GAS2: variants seen among roughly 807,000 people sequenced by gnomAD.
The protein encoded by GAS2 is growth arrest-specific protein 2.
Under a neutral mutation model 37.5 loss-of-function variants are expected in GAS2, and 20 were observed. That is an observed-to-expected ratio of 0.53 (90% confidence interval 0.37 to 0.77). GAS2 has a LOEUF of 0.77. Among genes scored for constraint, GAS2 ranks in the 30% least tolerant of loss-of-function variants. The probability of loss-of-function intolerance (pLI) is 0.00; values close to 1 mark genes in which losing one functional copy is unlikely to be tolerated. For missense variants in GAS2, 336 were observed against 373.4 expected (o/e 0.90, Z 0.82); for synonymous variants, 144 against 132.2 (o/e 1.09, Z -0.61).
chr11:22,697,613 A>T (rs1478155859), intron 3 of GAS2, among the ~76,000 whole-genome samples: 1 of 151,940 alleles, frequency 6.6e-6, no homozygotes, highest in Non-Finnish European at 1.5e-5. Flanking sequence ...ATCCTCTTTT[A>T]TTTCATTGAG....
intron 7 of GAS2, among the ~76,000 whole-genome samples, chr11:22,793,679 A>G (rs1243192228): frequency 1.3e-5 from 2 of 151,894 alleles, no homozygotes; most frequent in Non-Finnish European, 2.9e-5. Flanking sequence ...AAAGGGGAAG[A>G]TAAAACAAAG....
chr11:22,788,477 C>T (rs926731403), intron 7 of GAS2, among the ~76,000 whole-genome samples: 4 of 152,112 alleles, frequency 2.6e-5, no homozygotes, highest in Non-Finnish European at 4.4e-5. Flanking sequence ...CCAGTGTAAG[C>T]ACTTGTATCC....
At chr11:22,741,494 TAATC>T (rs1325936451) in intron 5 of GAS2, among the ~76,000 whole-genome samples, 2 of 152,154 alleles carry the variant, frequency 1.3e-5, no homozygotes, top group Admixed American at 6.5e-5. Flanking sequence ...TTTAGGGTCA[TAATC>T]AATAATCAGT....
At chr11:22,748,124 A>C (rs187710083) in intron 5 of GAS2, among the ~76,000 whole-genome samples, 2 of 151,632 alleles carry the variant, frequency 1.3e-5, no homozygotes, top group African/African-American at 4.8e-5. Flanking sequence ...ATAGTAGATT[A>C]AAAAAAACAT....
intron 3 of GAS2, among the ~76,000 whole-genome samples, chr11:22,686,140 T>C (rs78071737): frequency 0.018 from 2,773 of 152,276 alleles, 71 homozygotes; most frequent in African/African-American, 0.063. Context: ...ATTTACTGAA[T>C]AGATCTTTGT....
At chr11:22,737,822 C>T (rs1852836784) in intron 5 of GAS2, 54 bp downstream of exon 5, 1 of 1,499,772 alleles carries the variant, frequency 6.7e-7, no homozygotes, top group African/African-American at 1.4e-5. Context: ...AGCATCCAAG[C>T]AACACAGAAG....
chr11:22,803,821 A>G (rs1856769356), intron 7 of GAS2, among the ~76,000 whole-genome samples: 1 of 152,166 alleles, frequency 6.6e-6, no homozygotes, highest in Non-Finnish European at 1.5e-5. Context: ...AGGGACATAC[A>G]GGTAAATCAG....
rs1849355571 is a variant in GAS2 at position 22,674,911 on chromosome 11, C to A, written c.42C>A (p.Gly14=). ...GCCCAAAGGTACGCAGTGGACCTGG[C>A]CTCTCTGATATGCATCAGTATAGCC... ...ALSPKVRSGP[G]LSDMHQYSQW... The change falls in exon 2 of 8, where the codon GGC becomes GGA. Residue 14 remains glycine, a synonymous_variant. Coordinates refer to ENST00000454584, the MANE Select transcript of GAS2 (RefSeq NM_001143830.3). The A allele has an allele frequency of 1.2e-6, 2 of 1,613,410 alleles. No homozygotes were observed.
chr11:22,629,681 G>T (rs1304553165), intron 1 of GAS2, among the ~76,000 whole-genome samples: 1 of 151,618 alleles, frequency 6.6e-6, no homozygotes, highest in African/African-American at 2.4e-5. Flanking sequence ...GCTGGTTTCT[G>T]TGAGTTCCTT....
chr11:22,651,932 C>T (rs1848781710), intron 1 of GAS2, among the ~76,000 whole-genome samples: 1 of 152,218 alleles, frequency 6.6e-6, no homozygotes, highest in South Asian at 2.1e-4. Flanking sequence ...CAAAGTCATT[C>T]TCCATCCAGC....
intron 2 of GAS2, among the ~76,000 whole-genome samples, chr11:22,682,199 G>A (rs1183635879): frequency 1.3e-5 from 2 of 151,880 alleles, no homozygotes; most frequent in Admixed American, 1.3e-4. Context: ...CTTTTTACAA[G>A]TATTCATGAA....
intron 7 of GAS2, among the ~76,000 whole-genome samples, chr11:22,800,542 A>T (rs533935141): frequency 6.6e-6 from 1 of 152,040 alleles, no homozygotes; most frequent in Non-Finnish European, 1.5e-5. Context: ...ATGAGGAGAC[A>T]TCCTGCTGAA....
chr11:22,755,480 C>A (rs1853976458), intron 6 of GAS2, among the ~76,000 whole-genome samples: 1 of 152,072 alleles, frequency 6.6e-6, no homozygotes, highest in Non-Finnish European at 1.5e-5. Flanking sequence ...ACTTTCTATT[C>A]TGGTTTTCAA....
intron 2 of GAS2, among the ~76,000 whole-genome samples, chr11:22,682,225 A>G (rs1849715526): frequency 6.6e-6 from 1 of 152,124 alleles, no homozygotes; most frequent in Non-Finnish European, 1.5e-5. Context: ...GGATAACTAA[A>G]AAGATATAAT....
chr11:22,682,888 G>GAAAAA (rs57025584), intron 2 of GAS2, among the ~76,000 whole-genome samples: 2 of 102,356 alleles, frequency 2.0e-5, no homozygotes, highest in Non-Finnish European at 2.0e-5. Flanking sequence ...AAAAAAAAAG[G>GAAAAA]AAAAAAAAAA....
intron 6 of GAS2, among the ~76,000 whole-genome samples, chr11:22,755,448 A>G (rs959458343): frequency 2.0e-5 from 3 of 152,158 alleles, no homozygotes; most frequent in African/African-American, 7.2e-5. Context: ...ATACTGAAGT[A>G]ACATAAACTC....
intron 3 of GAS2, among the ~76,000 whole-genome samples, chr11:22,706,466 C>T (rs1397369020): frequency 1.3e-5 from 2 of 152,046 alleles, no homozygotes; most frequent in African/African-American, 2.4e-5. Context: ...GTATATCTCC[C>T]AATGCTATCC....
At chr11:22,749,703 G>A (rs1224406103) in intron 6 of GAS2, among the ~76,000 whole-genome samples, 1 of 151,998 alleles carries the variant, frequency 6.6e-6, no homozygotes, top group African/African-American at 2.4e-5. Flanking sequence ...TGAAAGGCAG[G>A]TTCCCTCTTG....
intron 1 of GAS2, among the ~76,000 whole-genome samples, chr11:22,635,223 C>T (rs1299877271): frequency 6.6e-6 from 1 of 151,560 alleles, no homozygotes; most frequent in Non-Finnish European, 1.5e-5. Context: ...GGTGCAAAGC[C>T]AGGTGGTGGC....
Sources: gnomAD v4.1 joint callset for allele counts (sites outside exome capture counted in the v4.1 genomes callset) on GRCh38, gnomAD v4.1.1 for gene constraint, MANE v1.5 for transcripts, NCBI Gene and HGNC (gene_info 2026-07-23, HGNC 2026-07-21) for gene names.